Variants in STMN3 observed in about 807,000 individuals in gnomAD.
STMN3 encodes stathmin 3.
In STMN3, 24 loss-of-function variants were observed where a neutral mutation model predicts 23.2. The ratio of observed to expected loss-of-function variants is 1.03; its 90% CI spans 0.75 to 1.45. The LOEUF (loss-of-function observed/expected upper bound fraction) is 1.45. STMN3 is among the 40% of genes most tolerant of loss of function. STMN3 has a pLI of 0.00. For missense variants in STMN3, 235 were observed against 237.6 expected, an observed-to-expected ratio of 0.99 and a Z score of 0.07; for synonymous variants, 117 against 103.4, an observed-to-expected ratio of 1.13 and a Z score of -0.80.
chr20:63,643,101 C>T (rs2089781838), intron 3 of STMN3, among the ~76,000 whole-genome samples: 1 of 152,176 alleles, frequency 6.6e-6, no homozygotes, highest in South Asian at 2.1e-4. Context: ...GAGGCCCTTC[C>T]TCCAGCTTCC....
At chr20:63,648,603 G>A (rs539004820) in intron 1 of STMN3, among the ~76,000 whole-genome samples, 1 of 152,278 alleles carries the variant, frequency 6.6e-6, no homozygotes, top group South Asian at 2.1e-4. Flanking sequence ...GGGTGTGGTG[G>A]CACATGCCTG....
Position 63,642,098 on chromosome 20 carries a change from G to GC in STMN3, c.483+9dup. ...CCGCTCCGAGCTCCGCCCCGGCCCCGCCCCCGCACCTTCTCGCGCAGCCGC... is the reference window on the plus strand; with the variant it reads ...CCGCTCCGAGCTCCGCCCCGGCCCCGCCCCCCGCACCTTCTCGCGCAGCCGC... On this transcript the variant is annotated intron_variant, in intron 4 of 4. Coordinates refer to ENST00000370053, the MANE Select transcript of STMN3 (RefSeq NM_015894.4). 1 of 1,097,738 alleles carries GC rather than the reference G, an allele frequency of 9.1e-7. No individual in the cohort carries two copies. Among genetic ancestry groups the GC allele is most frequent in the South Asian group, 1.5e-5 (1 of 68,760 alleles). The allele number at this position is 1,097,738 out of a possible 1,614,324, so 68.0% of individuals were successfully genotyped here.
At chr20:63,645,018 T>C (rs530723570) in intron 1 of STMN3, among the ~76,000 whole-genome samples, 5 of 152,354 alleles carry the variant, frequency 3.3e-5, no homozygotes, top group African/African-American at 7.2e-5. Flanking sequence ...TGTCTGACTC[T>C]GTCACTGTCA....
At chr20:63,643,701 CCG>C in intron 3 of STMN3, 53 bp downstream of exon 3, 1 of 1,480,454 alleles carries the variant, frequency 6.8e-7, no homozygotes, top group Non-Finnish European at 8.9e-7. Flanking sequence ...GGCCCTGTCC[CCG>C]TGGGCCGCCT....
chr20:63,647,982 A>ATG (rs2089830852), intron 1 of STMN3, among the ~76,000 whole-genome samples: 2 of 88,878 alleles, frequency 2.3e-5, no homozygotes, highest in South Asian at 7.2e-4. Context: ...ATATATATAC[A>ATG]TATATATATA....
chr20:63,646,007 AAAG>A (rs2089806262), intron 1 of STMN3, among the ~76,000 whole-genome samples: 1 of 151,980 alleles, frequency 6.6e-6, no homozygotes, highest in South Asian at 2.1e-4. Flanking sequence ...GGAGGGAGGA[AAAG>A]AAGAAAGGAA....
At position 63,647,927 on chromosome 20, in the gene STMN3, TAC is replaced by T. The variant is rs1465815239; in HGVS notation, c.20-3620_20-3619del. On this transcript the variant is annotated intron_variant, in intron 1 of 4. Transcript: ENST00000370053. ...ACACGTGTGTATATATTAATATATA[TAC>T]GTATATATGTGTGTGTGTGTATATA... Among the ~76,000 whole-genome samples the T allele has an allele frequency of 6.1e-4, 31 of 50,594 alleles. 1 individual carries two copies. Among genetic ancestry groups the T allele is most frequent in the Non-Finnish European group, 9.3e-4 (23 of 24,806 alleles). The allele number at this position is 50,594 out of a possible 152,430, so 33.2% of individuals were successfully genotyped here. A position where few individuals can be genotyped will look rare whatever the true frequency, so the allele number is the denominator to read the frequency against.
chr20:63,643,723 C>T, intron 3 of STMN3, 33 bp downstream of exon 3: 2 of 1,506,820 alleles, frequency 1.3e-6, no homozygotes, highest in Non-Finnish European at 1.8e-6. Context: ...TCCGTTGAAA[C>T]TCCTGGGGGG....
chr20:63,646,393 T>C (rs1011256879), intron 1 of STMN3, among the ~76,000 whole-genome samples: 4 of 151,994 alleles, frequency 2.6e-5, no homozygotes, highest in South Asian at 2.1e-4. Flanking sequence ...CTTGCACTGT[T>C]GCCCAGGCTG....
rs1020700837 is a variant in STMN3 at position 63,643,561 on chromosome 20, G to A, written c.291+195C>T. 9 of 894,888 alleles carry A rather than the reference G, an allele frequency of 1.0e-5. No homozygotes were observed. The African/African-American group carries it at 1.3e-4, about 13-fold the overall frequency. The allele number at this position is 894,888 out of a possible 1,614,324, so 55.4% of individuals were successfully genotyped here. A position where few individuals can be genotyped will look rare whatever the true frequency, so the allele number is the denominator to read the frequency against. On this transcript the variant is annotated intron_variant, in intron 3 of 4. Coordinates refer to ENST00000370053, the MANE Select transcript of STMN3 (RefSeq NM_015894.4). ...TTCCCAAAGTTCTGGGATTACAGGC[G>A]TGAGCCACCACACCCGGCCTCTCCC...
chr20:63,643,319 G>A (rs1458370390), intron 3 of STMN3, among the ~76,000 whole-genome samples: 1 of 152,020 alleles, frequency 6.6e-6, no homozygotes, highest in East Asian at 1.9e-4. Context: ...TCACCCTGTC[G>A]CCCGGGCTGA....
At chr20:63,643,713 T>A (rs753086705) in intron 3 of STMN3, 43 bp downstream of exon 3, 4 of 1,490,076 alleles carry the variant, frequency 2.7e-6, no homozygotes, top group Non-Finnish European at 3.5e-6. Flanking sequence ...GTGGGCCGCC[T>A]CCGTTGAAAC....
intron 3 of STMN3, 178 bp downstream of exon 3, chr20:63,643,578 G>A: frequency 2.1e-6 from 2 of 952,916 alleles, no homozygotes; most frequent in South Asian, 9.7e-5. Flanking sequence ...ACCACACCCG[G>A]CCTCTCCCCA....
rs771335410 is a variant in STMN3, at chr20:63,653,371, G to A, written c.-26C>T. Reference sequence around the variant, plus strand: ...GGTGCTGGCGGCGGTTGGGCCTGCGGAGGCTGGAGAGGCGCAAGTGGCGGC... The same window carrying A: ...GGTGCTGGCGGCGGTTGGGCCTGCGAAGGCTGGAGAGGCGCAAGTGGCGGC... On this transcript the variant is annotated 5_prime_UTR_variant, in exon 1 of 5. Coordinates refer to ENST00000370053, the MANE Select transcript of STMN3 (RefSeq NM_015894.4). The A allele has an allele frequency of 1.9e-4, 288 of 1,541,006 alleles. 2 individuals are homozygous for A. The Admixed American group carries it at 5.4e-3, about 29-fold the overall frequency.
At chr20:63,653,190 G>C in intron 1 of STMN3, 137 bp downstream of exon 1, 1 of 1,153,584 alleles carries the variant, frequency 8.7e-7, no homozygotes, top group Non-Finnish European at 1.2e-6. Context: ...CCTCGGGCGG[G>C]TCGGGCCCAG....
intron 1 of STMN3, among the ~76,000 whole-genome samples, chr20:63,646,481 A>T (rs2089810165): frequency 6.6e-6 from 1 of 151,850 alleles, no homozygotes; most frequent in African/African-American, 2.4e-5. Context: ...CAGCCTCCCG[A>T]GTAGCTGGGA....
At chr20:63,641,934 G>GCCCCCTGCCTGCTGCTTGCCCTGCCCCCT in intron 4 of STMN3, among the ~76,000 whole-genome samples, 174 bp downstream of exon 4, 1 of 115,262 alleles carries the variant, frequency 8.7e-6, no homozygotes, top group Admixed American at 9.1e-5. Context: ...CCCCGGCCCC[G>GCCCCCTGCCTGCTGCTTGCCCTGCCCCCT]CCCCGGCCCC....
At position 63,639,809 on chromosome 20, in the gene STMN3, T is replaced by C. The variant is rs2146110095; in HGVS notation, c.*1529A>G. 1 of 152,538 alleles carries C rather than the reference T, an allele frequency of 6.6e-6. No homozygotes were observed. The highest frequency in any genetic ancestry group is 1.9e-4 in the East Asian group (1 of 5,326). 9.4% of individuals were successfully genotyped at this position (152,538 alleles called of 1,614,324 possible). The stretch of plus-strand genomic sequence containing the variant: ...GATGGGTGCATATTACAGTAGGCTT[T>C]CGCTATGAGCGCTGCCACCATGAGG... On this transcript the variant is annotated 3_prime_UTR_variant, in exon 5 of 5. Transcript: ENST00000370053.
chr20:63,645,656 C>A (rs1298544898), intron 1 of STMN3, among the ~76,000 whole-genome samples: 1 of 152,100 alleles, frequency 6.6e-6, no homozygotes, highest in African/African-American at 2.4e-5. Context: ...CACTAGTGCT[C>A]GATAATCCTT....
Sources: allele counts gnomAD v4.1 joint callset (sites outside exome capture counted in the v4.1 genomes callset), GRCh38; gene constraint gnomAD v4.1.1; transcripts MANE v1.5; gene names NCBI Gene and HGNC (gene_info 2026-07-23, HGNC 2026-07-21).